The following CUX2 variants were observed in gnomAD, a reference collection of about 807,000 sequenced individuals.
CUX2 encodes homeobox protein cut-like 2.
In CUX2, 40 loss-of-function variants were observed where a neutral mutation model predicts 144.8. That is an observed-to-expected ratio of 0.28 (90% CI 0.21 to 0.36). The LOEUF is 0.36. Ranked by LOEUF, CUX2 falls within the 10% of genes least tolerant of loss-of-function variation. CUX2 has a pLI of 1.00. For synonymous variants in CUX2, 827 were observed against 875.6 expected (o/e 0.94, Z 0.98); for missense variants, 1,615 against 1,994.0 (o/e 0.81, Z 3.62).
intron 1 of CUX2, among the ~76,000 whole-genome samples, chr12:111,041,677 A>G (rs1431705441): frequency 6.6e-6 from 1 of 152,134 alleles, no homozygotes; most frequent in Non-Finnish European, 1.5e-5. Context: ...TCCAATGGAG[A>G]AGGGGAGTGG....
chr12:111,227,059 A>C (rs1882187429), intron 3 of CUX2, among the ~76,000 whole-genome samples: 1 of 152,144 alleles, frequency 6.6e-6, no homozygotes, highest in South Asian at 2.1e-4. Context: ...CAACAGCCCC[A>C]CCGACACCAG....
At chr12:111,146,003 C>T (rs1876645666) in intron 1 of CUX2, among the ~76,000 whole-genome samples, 1 of 152,172 alleles carries the variant, frequency 6.6e-6, no homozygotes, top group African/African-American at 2.4e-5. Context: ...CCACACCCGG[C>T]CCTGGCTATT....
intron 1 of CUX2, chr12:111,100,220 T>G (rs1873132684): frequency 2.8e-6 from 1 of 362,140 alleles, no homozygotes. Flanking sequence ...TGTGTGCTTG[T>G]GTCTGTGTGT....
In CUX2 at chr12:111,217,720, T is replaced by C. The variant is rs549468713; in HGVS notation, c.175-170T>C. The stretch of plus-strand genomic sequence containing the variant: ...GGACTTGACGTTTCCCAGTCTGGTG[T>C]GGCTTGGTACCCCTGTTTGCGTGTG... On this transcript the variant is annotated intron_variant, in intron 2 of 21. Coordinates refer to ENST00000261726, the MANE Select transcript of CUX2 (RefSeq NM_015267.4). Among the ~76,000 whole-genome samples, 8 of 152,328 alleles carry C rather than the reference T, an allele frequency of 5.3e-5. No individual in the cohort carries two copies. In the South Asian group the frequency reaches 1.7e-3, roughly 32 times the overall value.
At position 111,348,145 on chromosome 12, in the gene CUX2, C is replaced by T. The variant is rs1888903210; in HGVS notation, c.4281C>T (p.Ala1427=). The T allele has an allele frequency of 1.2e-6, 2 of 1,614,082 alleles. No homozygotes were observed. Among genetic ancestry groups the T allele is most frequent in the African/African-American group, 1.3e-5 (1 of 75,010 alleles). The change falls in exon 22 of 22, where the codon GCC becomes GCT. Residue 1427 remains alanine (A), a synonymous_variant. Transcript: ENST00000261726. ...CCATCTCCCCATCCCCACCTGGCGC[C>T]CCCCCTGCCAAAGTGCCGAGTGCCA... is the stretch of plus-strand genomic sequence containing the variant. ...SAPISPSPPG[A]PPAKVPSASP...
At chr12:111,084,611 C>T (rs866089583) in intron 1 of CUX2, among the ~76,000 whole-genome samples, 18 of 151,858 alleles carry the variant, frequency 1.2e-4, no homozygotes, top group African/African-American at 3.4e-4. Flanking sequence ...TTAACGCTTA[C>T]ACTTTATATT....
At position 111,290,830 on chromosome 12, in the gene CUX2, C is replaced by A. The variant is rs1885632636; in HGVS notation, c.302-588C>A. The stretch of plus-strand genomic sequence containing the variant: ...CCTCCCACCTTGGCCTCCCAAATTG[C>A]TGGGATTACAGGCGTTAGCCACTGC... On this transcript the variant is annotated intron_variant, in intron 4 of 21. Coordinates refer to ENST00000261726, the MANE Select transcript of CUX2 (RefSeq NM_015267.4). 2.0e-5 allele frequency among the ~76,000 whole-genome samples: 3 copies of A among 151,832 alleles called. No homozygotes were observed. In the South Asian group the frequency reaches 6.3e-4, roughly 32 times the overall value.
At chr12:111,052,022 T>C (rs1211009386) in intron 1 of CUX2, among the ~76,000 whole-genome samples, 1 of 152,188 alleles carries the variant, frequency 6.6e-6, no homozygotes, top group Non-Finnish European at 1.5e-5. Context: ...ATTATAATTG[T>C]ACATGCGCCC....
At chr12:111,150,177 C>T (rs1176077666) in intron 1 of CUX2, among the ~76,000 whole-genome samples, 2 of 152,168 alleles carry the variant, frequency 1.3e-5, no homozygotes, top group Non-Finnish European at 2.9e-5. Context: ...TACTATTTGT[C>T]GACAGCTAAA....
Position 111,341,843 on chromosome 12 carries a change from G to C in CUX2, c.3449G>C (p.Arg1150Pro), listed in dbSNP as rs373295855. 6.2e-7 allele frequency: 1 copy of C among 1,613,326 alleles called. No individual in the cohort carries two copies. Residue 1150 changes from arginine (R) to proline (P), a missense_variant, in exon 21 of 22, where the codon CGC becomes CCC. By Grantham distance (103) the Arg-to-Pro change is moderately radical. Coordinates refer to ENST00000261726, the MANE Select transcript of CUX2 (RefSeq NM_015267.4). ...TGSDSESPAT[R>P]SECPSPCLQP... ...TCAGACAGTGAGTCCCCGGCCACCC[G>C]CTCAGAGTGCCCCAGCCCCTGCCTG...
chr12:111,322,629 T>C lies in CUX2; in HGVS notation c.2926+49T>C. On this transcript the variant is annotated intron_variant, in intron 18 of 21. Coordinates refer to ENST00000261726, the MANE Select transcript of CUX2 (RefSeq NM_015267.4). The surrounding 1 kb of genome is among the most constrained non-coding windows in gnomAD (Gnocchi z 4.2). ...AGGGGGTGCTGGCAAACTTCCCACC[T>C]GCGCAGTGGCATGTCCGCCTGGCTT... is the stretch of plus-strand genomic sequence containing the variant. 1 of 1,585,218 alleles carries C rather than the reference T, an allele frequency of 6.3e-7. No individual in the cohort carries two copies. Among genetic ancestry groups the C allele is most frequent in the Middle Eastern group, 1.7e-4 (1 of 5,850 alleles).
intron 1 of CUX2, among the ~76,000 whole-genome samples, chr12:111,155,074 G>A (rs1037118683): frequency 3.9e-5 from 6 of 152,136 alleles, no homozygotes; most frequent in Non-Finnish European, 5.9e-5. Context: ...AGGTTAACAC[G>A]CGATAATACA....
chr12:111,330,006 C>T (rs1888018169), intron 18 of CUX2, among the ~76,000 whole-genome samples: 1 of 152,014 alleles, frequency 6.6e-6, no homozygotes, highest in Non-Finnish European at 1.5e-5. Context: ...ACACCTAGGA[C>T]AGACTCTCAC....
At chr12:111,224,654 G>A (rs1465330288) in intron 3 of CUX2, among the ~76,000 whole-genome samples, 2 of 151,500 alleles carry the variant, frequency 1.3e-5, no homozygotes, top group South Asian at 2.1e-4. Flanking sequence ...TTGTAAACAG[G>A]GCCCCCTTAG....
At position 111,298,635 on chromosome 12, in the gene CUX2, G is replaced by A. The variant is rs1202852985; in HGVS notation, c.753+46G>A. On this transcript the variant is annotated intron_variant, in intron 9 of 21. Transcript: ENST00000261726. Reference sequence around the variant, plus strand: ...CCCGTGGGTGCCAGAGGCTCCCTCTGCCTGGGGTGGGGGTCTCGGGCCAGA... The same window carrying A: ...CCCGTGGGTGCCAGAGGCTCCCTCTACCTGGGGTGGGGGTCTCGGGCCAGA... 2.6e-6 allele frequency: 4 copies of A among 1,538,004 alleles called. No homozygotes were observed. In the East Asian group the frequency reaches 9.7e-5, roughly 37 times the overall value.
At chr12:111,253,588 C>T (rs1045805303) in intron 3 of CUX2, among the ~76,000 whole-genome samples, 13 of 152,150 alleles carry the variant, frequency 8.5e-5, no homozygotes, top group African/African-American at 2.9e-4. Context: ...TTTCATTGCT[C>T]GCCTCTGCCT....
At chr12:111,214,806 C>T (rs951914750) in intron 2 of CUX2, among the ~76,000 whole-genome samples, 1 of 152,028 alleles carries the variant, frequency 6.6e-6, no homozygotes, top group African/African-American at 2.4e-5. Flanking sequence ...ACCAGCTATG[C>T]CTTTTCTAGC....
Position 111,306,967 on chromosome 12 carries a change from C to A in CUX2, c.905C>A (p.Ala302Glu), listed in dbSNP as rs994997171. The A allele has an allele frequency of 6.2e-7, 1 of 1,613,312 alleles. No individual in the cohort carries two copies. The highest frequency in any genetic ancestry group is 1.3e-5 in the African/African-American group (1 of 75,008). ...TGCTCGGGCCCTCGGCTGGAGGCCG[C>A]GCTGGCCTCCAAGGACAGGGAGATC... ...TLCSGPRLEA[A>E]LASKDREILR... The change falls in exon 11 of 22, where the codon GCG becomes GAG. Residue 302 changes from alanine (A) to glutamate (E), a missense_variant. Physicochemically the swap from Ala to Glu is moderately radical, Grantham distance 107. Transcript: ENST00000261726.
intron 1 of CUX2, among the ~76,000 whole-genome samples, chr12:111,109,078 C>T (rs1188503187): frequency 6.6e-6 from 1 of 152,184 alleles, no homozygotes; most frequent in Non-Finnish European, 1.5e-5. Context: ...TGTCAAGTTT[C>T]CCATCAGCTT....
Sources: allele counts gnomAD v4.1 joint callset (sites outside exome capture counted in the v4.1 genomes callset), GRCh38; gene constraint gnomAD v4.1.1; non-coding constraint Gnocchi (gnomAD v3.1); transcripts MANE v1.5; gene names NCBI Gene and HGNC (gene_info 2026-07-23, HGNC 2026-07-21).